Variants in POTEH observed in about 807,000 individuals in gnomAD.
POTEH encodes POTE ankyrin domain family member H.
POTEH carries 6 observed loss-of-function variants against 41.7 expected under a neutral mutation model. That is an observed-to-expected ratio of 0.14 (90% CI 0.08 to 0.28). The LOEUF is 0.28. Ranked by LOEUF, POTEH falls within the 10% of genes least tolerant of loss-of-function variation. The pLI, the probability that POTEH is intolerant of heterozygous loss-of-function variation, is 1.00. For missense variants in POTEH, 115 were observed against 533.5 expected, an observed-to-expected ratio of 0.22 and a Z score of 7.73; for synonymous variants, 38 against 179.9, an observed-to-expected ratio of 0.21 and a Z score of 6.31.
At chr22:15,714,224 T>C (rs1989883565) in intron 9 of POTEH, among the ~76,000 whole-genome samples, 1 of 151,972 alleles carries the variant, frequency 6.6e-6, no homozygotes, top group East Asian at 1.9e-4. Flanking sequence ...ATCTGCCATC[T>C]AGATGAGTGT....
intron 1 of POTEH, among the ~76,000 whole-genome samples, chr22:15,692,009 A>ATATATATAAAC (rs1421248855): frequency 7.8e-6 from 1 of 128,634 alleles, no homozygotes; most frequent in Non-Finnish European, 1.7e-5. Context: ...TATATATATA[A>ATATATATAAAC]ATTTCTTTTT....
At chr22:15,691,520 CGT>C (rs1989309592) in intron 1 of POTEH, among the ~76,000 whole-genome samples, 18 of 95,266 alleles carry the variant, frequency 1.9e-4, no homozygotes, top group African/African-American at 5.9e-4. Flanking sequence ...AGCAAGACTC[CGT>C]CTCAAAAAAA....
chr22:15,693,440 C>G (rs1390525427), intron 1 of POTEH, among the ~76,000 whole-genome samples: 1 of 152,262 alleles, frequency 6.6e-6, no homozygotes, highest in African/African-American at 2.4e-5. Flanking sequence ...TTGTGTTTAC[C>G]TGTTCCTGTA....
intron 9 of POTEH, among the ~76,000 whole-genome samples, chr22:15,713,759 C>T (rs1171009845): frequency 1.4e-4 from 22 of 152,294 alleles, no homozygotes; most frequent in African/African-American, 5.3e-4. Flanking sequence ...CTTGGCCTCA[C>T]GAAGTGTTGG....
chr22:15,714,298 G>T (rs1479447207), intron 9 of POTEH, among the ~76,000 whole-genome samples: 1 of 152,226 alleles, frequency 6.6e-6, no homozygotes, highest in African/African-American at 2.4e-5. Context: ...TCTTAACTCA[G>T]TGGATGTATT....
intron 9 of POTEH, among the ~76,000 whole-genome samples, chr22:15,718,820 AATG>A (rs1989961452): frequency 6.6e-6 from 1 of 151,102 alleles, no homozygotes; most frequent in Non-Finnish European, 1.5e-5. Context: ...GAAAATGCTT[AATG>A]ATGAGTTTAT....
intron 6 of POTEH, among the ~76,000 whole-genome samples, chr22:15,703,651 A>C (rs1989607585): frequency 6.7e-6 from 1 of 149,146 alleles, no homozygotes. Flanking sequence ...TTTCACACTC[A>C]CAAAAATGCT....
chr22:15,711,411 C>T (rs1374435949), intron 9 of POTEH, among the ~76,000 whole-genome samples: 1 of 151,620 alleles, frequency 6.6e-6, no homozygotes, highest in Non-Finnish European at 1.5e-5. Context: ...CACTCTCCAC[C>T]CTCAAGTAGG....
intron 1 of POTEH, among the ~76,000 whole-genome samples, chr22:15,693,087 T>C (rs1989364945): frequency 7.9e-6 from 1 of 127,038 alleles, no homozygotes; most frequent in African/African-American, 2.8e-5. Context: ...TAGAGATATG[T>C]CGACATGCAA....
intron 1 of POTEH, 66 bp downstream of exon 1, chr22:15,690,775 G>C (rs1250426179): frequency 7.2e-7 from 1 of 1,388,840 alleles, no homozygotes; most frequent in African/African-American, 1.5e-5. Flanking sequence ...CCTCCTGGCC[G>C]GGGAGGAGGG....
chr22:15,702,485 A>G lies in POTEH; in HGVS notation c.1167-201A>G, dbSNP rs4981535. Among the ~76,000 whole-genome samples the G allele has an allele frequency of 3.0e-5, 4 of 132,700 alleles. No individual in the cohort carries two copies. The East Asian group carries it at 1.0e-3, about 34-fold the overall frequency. The allele number at this position is 132,700 out of a possible 152,430, so 87.1% of individuals were successfully genotyped here. ...GGTCACATGCCCTCGATTTATGAGTATTTCACCCTACATTTTTTTCTTCTT... is the reference window on the plus strand; with the variant it reads ...GGTCACATGCCCTCGATTTATGAGTGTTTCACCCTACATTTTTTTCTTCTT... On this transcript the variant is annotated intron_variant, in intron 5 of 10. Transcript: ENST00000343518.
intron 6 of POTEH, chr22:15,703,447 CATTTGA>C (rs1989601352): frequency 9.2e-6 from 1 of 108,552 alleles, no homozygotes; most frequent in Non-Finnish European, 1.8e-5. Flanking sequence ...CATTCCTCCT[CATTTGA>C]AGTTGGAAAG....
chr22:15,702,137 TACA>T (rs1178876546), intron 5 of POTEH, among the ~76,000 whole-genome samples: 3 of 149,160 alleles, frequency 2.0e-5, no homozygotes, highest in Non-Finnish European at 4.4e-5. Flanking sequence ...TTCTGAAAAC[TACA>T]ACATTTGCAT....
At chr22:15,713,428 C>T (rs1276897007) in intron 9 of POTEH, among the ~76,000 whole-genome samples, 1 of 152,298 alleles carries the variant, frequency 6.6e-6, no homozygotes, top group African/African-American at 2.4e-5. Flanking sequence ...GTCTGTTTTG[C>T]TTGCTCCTCC....
intron 1 of POTEH, among the ~76,000 whole-genome samples, chr22:15,692,002 ATATAT>A (rs1569283695): frequency 7.8e-6 from 1 of 127,982 alleles, no homozygotes; most frequent in Non-Finnish European, 1.8e-5. Flanking sequence ...ATATATATAT[ATATAT>A]AAATTTCTTT....
rs774223659 is a variant in POTEH, at chr22:15,690,450, G to A, written c.373G>A (p.Asp125Asn). 2 of 1,409,794 alleles carry A rather than the reference G, an allele frequency of 1.4e-6. No homozygotes were observed. The highest frequency in any genetic ancestry group is 2.4e-5 in the East Asian group (1 of 41,520). 87.3% of individuals were successfully genotyped at this position (1,409,794 alleles called of 1,614,324 possible). Residue 125 changes from aspartate (D) to asparagine (N), a missense_variant, in exon 1 of 11, where the codon GAC (aspartate) becomes AAC (asparagine). Physicochemically the swap from Asp to Asn is conservative, Grantham distance 23 (BLOSUM62 1). Transcript: ENST00000343518. ...CGTGGGCACTTCTGGAGACCACGACGACTCTGCTATGAAGACACTCAGGAG... is the reference window on the plus strand; with the variant it reads ...CGTGGGCACTTCTGGAGACCACGACAACTCTGCTATGAAGACACTCAGGAG... ...SNVGTSGDHD[D>N]SAMKTLRSKM...
At chr22:15,717,673 A>T in intron 9 of POTEH, among the ~76,000 whole-genome samples, 1 of 143,204 alleles carries the variant, frequency 7.0e-6, no homozygotes, top group African/African-American at 2.5e-5. Flanking sequence ...GATTTGTTTG[A>T]GTTTCTTGTA....
chr22:15,714,371 C>T (rs2495172), intron 9 of POTEH, among the ~76,000 whole-genome samples: 1 of 152,290 alleles, frequency 6.6e-6, no homozygotes, highest in South Asian at 2.1e-4. Context: ...TCCCATTTCA[C>T]GCTAAGTATG....
In POTEH at chr22:15,717,370, C is replaced by T. The variant is rs1286914529; in HGVS notation, c.1521-2290C>T. Reference sequence around the variant, plus strand: ...CTATTTTTAGTTCTTTGAGAACTCTCCATACTGTTGTCCATAGATTTGTAT... The same window carrying T: ...CTATTTTTAGTTCTTTGAGAACTCTTCATACTGTTGTCCATAGATTTGTAT... On this transcript the variant is annotated intron_variant, in intron 9 of 10. Coordinates refer to ENST00000343518, the MANE Select transcript of POTEH (RefSeq NM_001136213.1). 4.3e-4 allele frequency among the ~76,000 whole-genome samples: 40 copies of T among 93,110 alleles called. 8 individuals carry two copies. Among genetic ancestry groups the T allele is most frequent in the African/African-American group, 1.2e-3 (37 of 29,870 alleles). 61.1% of individuals were successfully genotyped at this position (93,110 alleles called of 152,430 possible).
Sources: gnomAD v4.1 joint callset for allele counts (sites outside exome capture counted in the v4.1 genomes callset) on GRCh38, gnomAD v4.1.1 for gene constraint, MANE v1.5 for transcripts, NCBI Gene and HGNC (gene_info 2026-07-23, HGNC 2026-07-21) for gene names.